The following PAMR1 variants were observed in gnomAD, a reference collection of about 807,000 sequenced individuals.
PAMR1 encodes inactive serine protease PAMR1.
Under a neutral mutation model 81.8 loss-of-function variants are expected in PAMR1, and 88 were observed. That is an observed-to-expected ratio of 1.08 (90% CI 0.91 to 1.28). The LOEUF (loss-of-function observed/expected upper bound fraction) is 1.28. Ranked by LOEUF, PAMR1 falls within the 50% of genes most tolerant of loss-of-function variation. The pLI is 0.00. For missense variants in PAMR1, 935 were observed against 919.7 expected (o/e 1.02, Z -0.21); for synonymous variants, 336 against 345.3 (o/e 0.97, Z 0.30).
At chr11:35,526,497 A>G (rs182628115), upstream of PAMR1, among the ~76,000 whole-genome samples, 3 of 152,356 alleles carry the variant, frequency 2.0e-5, no homozygotes, top group Admixed American at 2.0e-4. Context: ...TTTTTAAAAT[A>G]AACTCCTCCG....
At chr11:35,513,862 TC>T (rs1834653825) in intron 1 of PAMR1, among the ~76,000 whole-genome samples, 1 of 152,184 alleles carries the variant, frequency 6.6e-6, no homozygotes, top group African/African-American at 2.4e-5. Flanking sequence ...ATAAGCATAT[TC>T]CTTTGAAAAT....
chr11:35,433,823 G>A (rs1317550411), intron 10 of PAMR1, among the ~76,000 whole-genome samples: 1 of 151,704 alleles, frequency 6.6e-6, no homozygotes, highest in South Asian at 2.1e-4. Context: ...GGGATGGAGG[G>A]ATGGATGGAT....
intron 6 of PAMR1, among the ~76,000 whole-genome samples, chr11:35,448,115 G>A (rs564601072): frequency 6.6e-6 from 1 of 152,242 alleles, no homozygotes; most frequent in East Asian, 1.9e-4. Flanking sequence ...TGAGGATTAT[G>A]TGTCTTGGAG....
intron 3 of PAMR1, among the ~76,000 whole-genome samples, chr11:35,481,642 C>T (rs1850394975): frequency 6.6e-6 from 1 of 152,158 alleles, no homozygotes; most frequent in African/African-American, 2.4e-5. Flanking sequence ...CCTGCCTCAG[C>T]CTCCCAAGTA....
chr11:35,480,972 G>A lies in PAMR1; in HGVS notation c.380-6228C>T, dbSNP rs558913411. On this transcript the variant is annotated intron_variant, in intron 3 of 10. Coordinates refer to ENST00000619888, the MANE Select transcript of PAMR1 (RefSeq NM_001001991.3). ...ATGTGGTGGTTGGTTTTCTGTTCCT[G>A]TGTTAGTTTGCTGAGGATGATGGCT... 2.6e-5 allele frequency among the ~76,000 whole-genome samples: 4 copies of A among 152,286 alleles called. No homozygotes were observed. In the South Asian group the frequency reaches 8.3e-4, roughly 32 times the overall value.
chr11:35,508,988 G>A (rs937668948), intron 1 of PAMR1, among the ~76,000 whole-genome samples: 7 of 152,070 alleles, frequency 4.6e-5, no homozygotes, highest in African/African-American at 1.7e-4. Context: ...TTGCTATTAT[G>A]AATAGTGCCC....
Position 35,470,673 on chromosome 11 carries a change from G to A in PAMR1, c.640C>T (p.Leu214Phe), listed in dbSNP as rs1856837354. Reference sequence around the variant, plus strand: ...CCATCGGAGTGGAAGAGGACGTGGAGTGAGGATCCTATGCTCTGGATAGGA... The same window carrying A: ...CCATCGGAGTGGAAGAGGACGTGGAATGAGGATCCTATGCTCTGGATAGGA... ...PAPIQSIGSS[L>F]HVLFHSDGSK... Residue 214 changes from leucine (L) to phenylalanine (F), a missense_variant, in exon 5 of 11, where the codon CTC (leucine) becomes TTC (phenylalanine). Leu to Phe is a conservative substitution (Grantham distance 22). Transcript: ENST00000619888. 1 of 1,614,218 alleles carries A rather than the reference G, an allele frequency of 6.2e-7. No homozygotes were observed. The highest frequency in any genetic ancestry group is 8.5e-7 in the Non-Finnish European group (1 of 1,180,028).
chr11:35,498,987 C>T (rs1850779461), intron 1 of PAMR1, among the ~76,000 whole-genome samples: 1 of 152,250 alleles, frequency 6.6e-6, no homozygotes, highest in Non-Finnish European at 1.5e-5. Flanking sequence ...GCCTCCCTTA[C>T]ATGCCCATAA....
chr11:35,444,647 G>T (rs1856253512), intron 6 of PAMR1, among the ~76,000 whole-genome samples: 1 of 152,088 alleles, frequency 6.6e-6, no homozygotes, highest in Admixed American at 6.5e-5. Context: ...AAGATCAGAT[G>T]GTTGTAGATG....
At chr11:35,527,089 A>T (rs1409052449), upstream of PAMR1, among the ~76,000 whole-genome samples, 1 of 152,178 alleles carries the variant, frequency 6.6e-6, no homozygotes, top group African/African-American at 2.4e-5. Flanking sequence ...TCAGAAGGTC[A>T]GGAGCCCTGA....
chr11:35,465,583 T>C (rs535372981), intron 6 of PAMR1, among the ~76,000 whole-genome samples: 1 of 152,354 alleles, frequency 6.6e-6, no homozygotes, highest in South Asian at 2.1e-4. Context: ...CCCAGTGAGT[T>C]AGTTGATACT....
intron 1 of PAMR1, among the ~76,000 whole-genome samples, chr11:35,517,977 T>C (rs1157393774): frequency 6.6e-6 from 1 of 152,236 alleles, no homozygotes; most frequent in African/African-American, 2.4e-5. Flanking sequence ...AGAGTCTCTA[T>C]TGTACAGAAA....
At chr11:35,435,831 G>C (rs529350968) in intron 9 of PAMR1, 72 bp downstream of exon 9, 53 of 1,125,608 alleles carry the variant, frequency 4.7e-5, no homozygotes, top group Non-Finnish European at 6.7e-5. Context: ...CCAAAAAGTA[G>C]GGTTAATGGT....
In PAMR1 at chr11:35,470,806, C is replaced by G. The variant is rs753820153; in HGVS notation, c.507G>C (p.Leu169Phe). 1.2e-6 allele frequency: 2 copies of G among 1,613,694 alleles called. No individual in the cohort carries two copies. Among genetic ancestry groups the G allele is most frequent in the South Asian group, 1.1e-5 (1 of 91,056 alleles). Residue 169 changes from leucine to phenylalanine, a missense_variant, in exon 5 of 11, where the codon TTG becomes TTC. Coordinates refer to ENST00000619888, the MANE Select transcript of PAMR1 (RefSeq NM_001001991.3). ...GFVIQLRFVM[L>F]SLEFDYMCQY... The stretch of plus-strand genomic sequence containing the variant: ...GGCACATGTAGTCAAACTCCAGGCT[C>G]AACATGACAAATCTGTGGGTGGACA...
rs759085382 is a variant in PAMR1, at chr11:35,470,572, A to G, written c.712+29T>C. On this transcript the variant is annotated intron_variant, in intron 5 of 10. Transcript: ENST00000619888. ...GATATTTATCTGGAGCAAGCCATAA[A>G]ATGCCACATTTGTCTCCTTGGCCTT... 7.1e-6 allele frequency: 11 copies of G among 1,555,098 alleles called. No individual in the cohort carries two copies. The African/African-American group carries it at 1.4e-4, about 19-fold the overall frequency.
At chr11:35,448,482 C>T (rs1045601630) in intron 6 of PAMR1, among the ~76,000 whole-genome samples, 2 of 152,186 alleles carry the variant, frequency 1.3e-5, no homozygotes, top group Non-Finnish European at 2.9e-5. Flanking sequence ...TGTTTTTCAG[C>T]TCCATCAGGT....
upstream of PAMR1, chr11:35,529,933 C>T (rs1565368738): frequency 6.6e-6 from 1 of 152,192 alleles, no homozygotes; most frequent in African/African-American, 2.4e-5. Context: ...GTACCTTTTT[C>T]AGTGCCACCA....
chr11:35,445,528 T>C (rs1856272052), intron 6 of PAMR1, among the ~76,000 whole-genome samples: 1 of 152,236 alleles, frequency 6.6e-6, no homozygotes, highest in Non-Finnish European at 1.5e-5. Flanking sequence ...ACCTAGTTTA[T>C]TGAGAGTTTT....
intron 6 of PAMR1, among the ~76,000 whole-genome samples, chr11:35,452,939 G>A (rs1856450172): frequency 6.6e-6 from 1 of 152,184 alleles, no homozygotes; most frequent in Non-Finnish European, 1.5e-5. Flanking sequence ...ATAGATATGG[G>A]TTCAGATAAT....
Sources: allele counts gnomAD v4.1 joint callset (sites outside exome capture counted in the v4.1 genomes callset), GRCh38; gene constraint gnomAD v4.1.1; transcripts MANE v1.5; gene names NCBI Gene and HGNC (gene_info 2026-07-23, HGNC 2026-07-21).